The following NRG3 variants were observed in gnomAD, a reference collection of about 807,000 sequenced individuals.
The protein encoded by NRG3 is neuregulin 3.
In NRG3, 31 loss-of-function variants were observed where a neutral mutation model predicts 66.9. The observed-to-expected ratio is 0.46, with a 90% CI of 0.35 to 0.63. NRG3 has a LOEUF of 0.63. Ranked by LOEUF, NRG3 falls within the 20% of genes least tolerant of loss-of-function variation. The probability of loss-of-function intolerance (pLI) is 0.00; values close to 1 mark genes in which losing one functional copy is unlikely to be tolerated. For synonymous variants in NRG3, 393 were observed against 359.4 expected, an observed-to-expected ratio of 1.09 and a Z score of -1.06; for missense variants, 910 against 878.9, an observed-to-expected ratio of 1.04 and a Z score of -0.45.
chr10:82,414,280 T>G (rs528185294), intron 2 of NRG3, among the ~76,000 whole-genome samples: 1 of 152,196 alleles, frequency 6.6e-6, no homozygotes, highest in East Asian at 1.9e-4. Context: ...ATAGGTAGAC[T>G]GAGAAGAGGG....
At chr10:81,905,061 G>A (rs1844457181) in intron 1 of NRG3, among the ~76,000 whole-genome samples, 2 of 151,954 alleles carry the variant, frequency 1.3e-5, no homozygotes, top group South Asian at 2.1e-4. Flanking sequence ...TCCTCCTCCC[G>A]GCTTCATATA....
intron 4 of NRG3, among the ~76,000 whole-genome samples, chr10:82,935,052 TCTGTGAATTAAGGATAC>T (rs1283908527): frequency 6.6e-5 from 10 of 152,362 alleles, no homozygotes; most frequent in Middle Eastern, 6.8e-3. Context: ...TCCATTCATA[TCTGTGAATTAAGGATAC>T]CTGGGGGTAA....
chr10:82,481,345 C>T (rs1441760339), intron 2 of NRG3, among the ~76,000 whole-genome samples: 1 of 152,120 alleles, frequency 6.6e-6, no homozygotes, highest in African/African-American at 2.4e-5. Context: ...GTACCGTGAA[C>T]TCATAAAGTG....
intron 1 of NRG3, among the ~76,000 whole-genome samples, chr10:81,907,785 A>G (rs1306435583): frequency 6.6e-6 from 1 of 152,192 alleles, no homozygotes; most frequent in African/African-American, 2.4e-5. Flanking sequence ...AAGGCTTCTC[A>G]GTTTGTACAC....
chr10:81,956,665 T>G (rs948420899), intron 1 of NRG3, among the ~76,000 whole-genome samples: 5 of 152,128 alleles, frequency 3.3e-5, no homozygotes, highest in African/African-American at 1.2e-4. Flanking sequence ...TATAGATGAC[T>G]CCTAACTGGT....
At chr10:82,836,227 C>A (rs772852226) in intron 3 of NRG3, among the ~76,000 whole-genome samples, 2 of 152,056 alleles carry the variant, frequency 1.3e-5, no homozygotes, top group African/African-American at 2.4e-5. Flanking sequence ...TTCTGGCCCC[C>A]ATAGCCTAAA....
chr10:81,965,507 T>TG (rs2059698331), intron 1 of NRG3, among the ~76,000 whole-genome samples: 1 of 152,166 alleles, frequency 6.6e-6, no homozygotes, highest in Admixed American at 6.6e-5. Context: ...ATAGGCACAG[T>TG]GGGGTGTGTA....
chr10:82,555,678 G>A (rs1424944920), intron 2 of NRG3, among the ~76,000 whole-genome samples: 1 of 152,028 alleles, frequency 6.6e-6, no homozygotes, highest in African/African-American at 2.4e-5. Context: ...TTCTACCAAT[G>A]GCCAGTGCGT....
chr10:81,916,438 G>C (rs1845716394), intron 1 of NRG3, among the ~76,000 whole-genome samples: 1 of 152,190 alleles, frequency 6.6e-6, no homozygotes, highest in African/African-American at 2.4e-5. Flanking sequence ...AAGCAGCTGA[G>C]TATGAGTTTT....
intron 4 of NRG3, among the ~76,000 whole-genome samples, chr10:82,938,172 T>C (rs561277724): frequency 6.6e-6 from 1 of 152,208 alleles, no homozygotes; most frequent in African/African-American, 2.4e-5. Context: ...AAATTATACA[T>C]GTGGCTTGCA....
At chr10:82,880,161 T>C (rs1183529311) in intron 4 of NRG3, among the ~76,000 whole-genome samples, 1 of 152,128 alleles carries the variant, frequency 6.6e-6, no homozygotes, top group Non-Finnish European at 1.5e-5. Context: ...TCACATTTTG[T>C]CTTTTGAAGT....
At chr10:82,281,359 C>G (rs73306628) in intron 1 of NRG3, among the ~76,000 whole-genome samples, 2,513 of 152,194 alleles carry the variant, frequency 0.017, 69 homozygotes, top group African/African-American at 0.057. Flanking sequence ...TAGGAACTTA[C>G]TAGAACAACA....
chr10:82,940,882 G>A (rs1848524431), intron 4 of NRG3, among the ~76,000 whole-genome samples: 2 of 151,956 alleles, frequency 1.3e-5, no homozygotes, highest in African/African-American at 2.4e-5. Context: ...TGCATTTTGG[G>A]GGCACACCAA....
chr10:82,631,107 G>A (rs2049798695), intron 2 of NRG3, among the ~76,000 whole-genome samples: 1 of 152,110 alleles, frequency 6.6e-6, no homozygotes, highest in Non-Finnish European at 1.5e-5. Flanking sequence ...GATGAGGTCT[G>A]GGAATTAGTC....
chr10:81,877,705 G>A, intron 1 of NRG3: 3 of 1,303,728 alleles, frequency 2.3e-6, no homozygotes, highest in Middle Eastern at 2.9e-4. Context: ...AGGGAAGGAA[G>A]GAATCTGCCA....
intron 2 of NRG3, among the ~76,000 whole-genome samples, chr10:82,425,219 C>T (rs1401189199): frequency 6.6e-6 from 1 of 152,092 alleles, no homozygotes; most frequent in Non-Finnish European, 1.5e-5. Flanking sequence ...TGAATCTGCT[C>T]ATCAACTTGG....
At chr10:82,277,290 A>G (rs771226864) in intron 1 of NRG3, among the ~76,000 whole-genome samples, 5 of 152,092 alleles carry the variant, frequency 3.3e-5, no homozygotes, top group Non-Finnish European at 5.9e-5. Flanking sequence ...GATGGTTTTC[A>G]CTGGAACAGA....
intron 1 of NRG3, among the ~76,000 whole-genome samples, chr10:82,110,667 G>C (rs999447913): frequency 1.3e-5 from 2 of 152,064 alleles, no homozygotes; most frequent in African/African-American, 2.4e-5. Flanking sequence ...AAAGAGAGGA[G>C]TCAAAGAGCA....
chr10:82,840,662 A>C (rs992037184), intron 3 of NRG3, among the ~76,000 whole-genome samples: 29 of 152,186 alleles, frequency 1.9e-4, no homozygotes, highest in Admixed American at 9.8e-4. Flanking sequence ...GCATTAAAAG[A>C]ACAAGGGTTT....
Sources: allele counts gnomAD v4.1 joint callset (sites outside exome capture counted in the v4.1 genomes callset), GRCh38; gene constraint gnomAD v4.1.1; transcripts MANE v1.5; gene names NCBI Gene and HGNC (gene_info 2026-07-23, HGNC 2026-07-21).